Variants in SNTG1 observed in about 807,000 individuals in gnomAD.
SNTG1 encodes syntrophin gamma 1.
A neutral mutation model predicts 74.7 loss-of-function variants in SNTG1; 39 were observed. That is an observed-to-expected ratio of 0.52 (90% CI 0.40 to 0.68). The LOEUF (loss-of-function observed/expected upper bound fraction) is 0.68. Ranked by LOEUF, SNTG1 falls within the 30% of genes least tolerant of loss-of-function variation. SNTG1 has a pLI of 0.00. For synonymous variants in SNTG1, 254 were observed against 217.1 expected, an observed-to-expected ratio of 1.17 and a Z score of -1.49; for missense variants, 685 against 609.5, an observed-to-expected ratio of 1.12 and a Z score of -1.30.
intron 8 of SNTG1, among the ~76,000 whole-genome samples, chr8:50,498,110 C>T (rs186797593): frequency 4.1e-4 from 63 of 151,866 alleles, no homozygotes; most frequent in African/African-American, 1.4e-3. Context: ...ACTCTGATTT[C>T]TCTTGGATAA....
chr8:50,581,069 A>G (rs1362227732), intron 12 of SNTG1, among the ~76,000 whole-genome samples: 2 of 152,264 alleles, frequency 1.3e-5, no homozygotes, highest in Admixed American at 6.5e-5. Context: ...TTACATTTTT[A>G]AAATGCTCCT....
At chr8:50,450,761 TC>T (rs1199983929) in intron 8 of SNTG1, 32 bp downstream of exon 8, 1 of 1,605,794 alleles carries the variant, frequency 6.2e-7, no homozygotes, top group African/African-American at 1.3e-5. Flanking sequence ...GTCATAGTTT[TC>T]CCCATGTGCA....
chr8:50,372,671 C>A (rs2092294934), intron 2 of SNTG1, among the ~76,000 whole-genome samples: 1 of 152,076 alleles, frequency 6.6e-6, no homozygotes, highest in African/African-American at 2.4e-5. Flanking sequence ...ATGAAAGATA[C>A]AGCTCTGACA....
At chr8:50,790,478 T>A (rs961727653) in intron 18 of SNTG1, among the ~76,000 whole-genome samples, 5 of 151,890 alleles carry the variant, frequency 3.3e-5, no homozygotes, top group Non-Finnish European at 5.9e-5. Context: ...GATAGATAGA[T>A]GTTCATCATC....
chr8:49,964,182 T>C (rs1267552617), intron 1 of SNTG1, among the ~76,000 whole-genome samples: 1 of 152,218 alleles, frequency 6.6e-6, no homozygotes, highest in African/African-American at 2.4e-5. Context: ...ATCAGTAGAC[T>C]TGGAGCAAAG....
rs939835520 is a variant in SNTG1, at chr8:50,777,949, G to A, written c.1396-14722G>A. Among the ~76,000 whole-genome samples the A allele has an allele frequency of 1.1e-4, 17 of 151,728 alleles. No homozygotes were observed. The South Asian group carries it at 1.9e-3, about 17-fold the overall frequency. On this transcript the variant is annotated intron_variant, in intron 18 of 18. Coordinates refer to ENST00000642720, the MANE Select transcript of SNTG1 (RefSeq NM_018967.5). ...TTCCCACCTATGAGTGAGAATATGC[G>A]GTGTTTGGTTTTTTGTTCTTGCGAT...
intron 2 of SNTG1, among the ~76,000 whole-genome samples, chr8:50,208,788 T>G (rs947472184): frequency 6.6e-6 from 1 of 152,078 alleles, no homozygotes; most frequent in African/African-American, 2.4e-5. Context: ...ATTTCCAAGA[T>G]GGCCAGATAG....
intron 8 of SNTG1, among the ~76,000 whole-genome samples, chr8:50,482,429 G>A (rs1464174986): frequency 2.0e-5 from 3 of 152,158 alleles, no homozygotes; most frequent in African/African-American, 7.2e-5. Context: ...ATGTTTGTGA[G>A]AATTACCCTC....
intron 1 of SNTG1, among the ~76,000 whole-genome samples, chr8:50,036,384 A>G (rs897295610): frequency 1.3e-5 from 2 of 152,132 alleles, no homozygotes; most frequent in African/African-American, 2.4e-5. Context: ...AAAACATATT[A>G]TCTTTCCCAC....
intron 1 of SNTG1, among the ~76,000 whole-genome samples, chr8:49,925,641 A>G (rs892317154): frequency 6.6e-6 from 1 of 152,170 alleles, no homozygotes; most frequent in East Asian, 1.9e-4. Context: ...TCTGCTCTCT[A>G]TCTCTACAAT....
At chr8:49,990,098 G>A (rs924703322) in intron 1 of SNTG1, among the ~76,000 whole-genome samples, 6 of 151,852 alleles carry the variant, frequency 4.0e-5, no homozygotes, top group Non-Finnish European at 5.9e-5. Context: ...TCTAGCAAGG[G>A]TAATTAAGGG....
intron 2 of SNTG1, among the ~76,000 whole-genome samples, chr8:50,253,963 AGGTTGT>A (rs1250984475): frequency 6.6e-6 from 1 of 152,178 alleles, no homozygotes; most frequent in Non-Finnish European, 1.5e-5. Context: ...TACAAGGAAT[AGGTTGT>A]GGTATTTTAC....
At chr8:49,976,688 A>G (rs1037879617) in intron 1 of SNTG1, among the ~76,000 whole-genome samples, 1 of 152,220 alleles carries the variant, frequency 6.6e-6, no homozygotes, top group Non-Finnish European at 1.5e-5. Flanking sequence ...AGTTAACAGC[A>G]GAGCGGAGGC....
intron 2 of SNTG1, among the ~76,000 whole-genome samples, chr8:50,323,970 CTAGT>C (rs1439483227): frequency 3.3e-5 from 5 of 152,190 alleles, no homozygotes; most frequent in African/African-American, 1.2e-4. Flanking sequence ...GCTATTCCAG[CTAGT>C]GTCTCCTTAG....
intron 15 of SNTG1, among the ~76,000 whole-genome samples, chr8:50,664,062 T>C (rs1488260384): frequency 2.6e-5 from 4 of 152,178 alleles, no homozygotes; most frequent in African/African-American, 4.8e-5. Context: ...AGTAGAAATG[T>C]CCATGTTACA....
At chr8:50,024,270 T>G (rs984100323) in intron 1 of SNTG1, among the ~76,000 whole-genome samples, 3 of 152,098 alleles carry the variant, frequency 2.0e-5, no homozygotes, top group African/African-American at 7.2e-5. Flanking sequence ...GACTTAACTC[T>G]CCAGGTGATT....
chr8:50,012,410 A>G (rs1260940747), intron 1 of SNTG1, among the ~76,000 whole-genome samples: 3 of 152,182 alleles, frequency 2.0e-5, no homozygotes, highest in East Asian at 1.9e-4. Flanking sequence ...TGAACCAGAA[A>G]AATGCTAGGA....
chr8:50,668,278 T>C (rs2095260281), intron 15 of SNTG1, among the ~76,000 whole-genome samples: 1 of 151,972 alleles, frequency 6.6e-6, no homozygotes, highest in African/African-American at 2.4e-5. Context: ...ATAAAGTACT[T>C]ATTTCCCTTT....
chr8:50,635,481 G>A (rs1387456438), intron 13 of SNTG1, among the ~76,000 whole-genome samples: 1 of 152,182 alleles, frequency 6.6e-6, no homozygotes, highest in Admixed American at 6.5e-5. Flanking sequence ...CTCTACGGCA[G>A]CTGAGCCAGC....
Sources: allele counts gnomAD v4.1 joint callset (sites outside exome capture counted in the v4.1 genomes callset), GRCh38; gene constraint gnomAD v4.1.1; transcripts MANE v1.5; gene names NCBI Gene and HGNC (gene_info 2026-07-23, HGNC 2026-07-21).